Variants in CORO2A observed in about 807,000 individuals in gnomAD.
The protein encoded by CORO2A is coronin 2A, also known as coronin-2A.
Under a neutral mutation model 62.4 loss-of-function variants are expected in CORO2A, and 47 were observed. The ratio of observed to expected loss-of-function variants is 0.75; its 90% CI spans 0.60 to 0.96. The LOEUF (loss-of-function observed/expected upper bound fraction) is 0.96. CORO2A is among the 40% of genes least tolerant of loss of function. The pLI, the probability that CORO2A is intolerant of heterozygous loss-of-function variation, is 0.00. For missense variants in CORO2A, 610 were observed against 684.1 expected (o/e 0.89, Z 1.21); for synonymous variants, 273 against 268.9 (o/e 1.02, Z -0.15).
chr9:98,174,691 G>T (rs1828085045), intron 1 of CORO2A, among the ~76,000 whole-genome samples: 1 of 152,060 alleles, frequency 6.6e-6, no homozygotes, highest in Admixed American at 6.5e-5. Flanking sequence ...TTTCCCCTGC[G>T]AGTTATCTCC....
chr9:98,163,353 C>T (rs1457866500), intron 1 of CORO2A, among the ~76,000 whole-genome samples: 1 of 152,182 alleles, frequency 6.6e-6, no homozygotes, highest in Non-Finnish European at 1.5e-5. Context: ...CTGTGCCCCA[C>T]TAATTTTTGT....
intron 1 of CORO2A, among the ~76,000 whole-genome samples, chr9:98,167,773 C>T (rs539859683): frequency 6.5e-4 from 99 of 152,126 alleles, no homozygotes; most frequent in Non-Finnish European, 1.2e-3. Flanking sequence ...CTTTTAGAGA[C>T]GGATGCCTAA....
chr9:98,146,057 C>T (rs1827640328), intron 2 of CORO2A, among the ~76,000 whole-genome samples: 1 of 152,206 alleles, frequency 6.6e-6, no homozygotes, highest in Admixed American at 6.5e-5. Flanking sequence ...TCTCCACTCT[C>T]CCAGGCACCT....
At chr9:98,181,119 A>T (rs1828170430) in intron 1 of CORO2A, among the ~76,000 whole-genome samples, 1 of 151,610 alleles carries the variant, frequency 6.6e-6, no homozygotes, top group Non-Finnish European at 1.5e-5. Context: ...GACAATAACC[A>T]GCCCTGGGAA....
At position 98,163,431 on chromosome 9, in the gene CORO2A, C is replaced by G. The variant is rs561312560; in HGVS notation, c.1-5771G>C. ...TCACAAACTCCTGACCTCAGGTGAT[C>G]CGCCTACCTTGGCCTCCCTAAGTGC... On this transcript the variant is annotated intron_variant, in intron 1 of 11. Coordinates refer to ENST00000375077, the MANE Select transcript of CORO2A (RefSeq NM_052820.4). Among the ~76,000 whole-genome samples, 5 of 152,330 alleles carry G rather than the reference C, an allele frequency of 3.3e-5. No homozygotes were observed. In the South Asian group the frequency reaches 8.3e-4, roughly 25 times the overall value.
chr9:98,188,033 T>C (rs1347661465), intron 1 of CORO2A, among the ~76,000 whole-genome samples: 1 of 152,178 alleles, frequency 6.6e-6, no homozygotes, highest in East Asian at 1.9e-4. Context: ...GGGTACACAG[T>C]CTAGCCCAGG....
rs1226481404 is a variant in CORO2A, at chr9:98,128,238, A to G, written c.1103T>C (p.Ile368Thr). ...CTGGGCCCCTGCTGTTGGAGGGTATATGTCCTCTTGGTAGGATTCTGACTG... is the reference window on the plus strand; with the variant it reads ...CTGGGCCCCTGCTGTTGGAGGGTATGTGTCCTCTTGGTAGGATTCTGACTG... ...PRRSESYQED[I>T]YPPTAGAQPS... is the part of the protein sequence containing the mutation. The change falls in exon 10 of 12, where the codon ATA (isoleucine) becomes ACA (threonine). Residue 368 changes from isoleucine to threonine, a missense_variant. By Grantham distance (89) the Ile-to-Thr change is moderately conservative. Transcript: ENST00000375077. 1.2e-6 allele frequency: 2 copies of G among 1,612,810 alleles called. No homozygotes were observed. The highest frequency in any genetic ancestry group is 1.3e-5 in the African/African-American group (1 of 74,858).
At chr9:98,166,827 A>G (rs752949174) in intron 1 of CORO2A, among the ~76,000 whole-genome samples, 2 of 152,206 alleles carry the variant, frequency 1.3e-5, no homozygotes, top group Non-Finnish European at 2.9e-5. Context: ...ACCATGGAAT[A>G]ATATTCAACC....
At chr9:98,189,887 A>ATT (rs950543958) in intron 1 of CORO2A, among the ~76,000 whole-genome samples, 13 of 89,778 alleles carry the variant, frequency 1.4e-4, no homozygotes, top group African/African-American at 5.7e-4. Flanking sequence ...CAACTCCTTT[A>ATT]TTTTTTTTTT....
At chr9:98,151,962 G>A (rs535139309) in intron 2 of CORO2A, among the ~76,000 whole-genome samples, 8 of 150,142 alleles carry the variant, frequency 5.3e-5, no homozygotes, top group East Asian at 3.9e-4. Context: ...GACCACAGGC[G>A]CACGCCACCA....
Position 98,122,350 on chromosome 9 carries a change from C to T in CORO2A, c.*2424G>A, listed in dbSNP as rs554333836. On this transcript the variant is annotated 3_prime_UTR_variant, in exon 12 of 12. Transcript: ENST00000375077. ...AATGTGGCATGGGCATCTGTATTTC[C>T]TGCACGCTCCCAAGGGAATTCTAAT... 8.5e-5 allele frequency: 13 copies of T among 152,352 alleles called. No individual in the cohort carries two copies. The South Asian group carries it at 2.1e-3, about 24-fold the overall frequency. The allele number at this position is 152,352 out of a possible 1,614,324, so 9.4% of individuals were successfully genotyped here. A position where few individuals can be genotyped will look rare whatever the true frequency, so the allele number is the denominator to read the frequency against.
At chr9:98,148,751 C>CAAACA (rs60243944) in intron 2 of CORO2A, among the ~76,000 whole-genome samples, 2,775 of 150,332 alleles carry the variant, frequency 0.018, 78 homozygotes, top group African/African-American at 0.047. Flanking sequence ...GAGCTTGTCT[C>CAAACA]AAACAAAACA....
chr9:98,156,937 A>G (rs1341106386), intron 2 of CORO2A, among the ~76,000 whole-genome samples: 2 of 152,182 alleles, frequency 1.3e-5, no homozygotes, highest in African/African-American at 4.8e-5. Flanking sequence ...TGGAACTACT[A>G]TTAGGTTGAT....
chr9:98,125,345 C>T (rs534588080), intron 11 of CORO2A, among the ~76,000 whole-genome samples: 4 of 152,294 alleles, frequency 2.6e-5, no homozygotes, highest in South Asian at 2.1e-4. Flanking sequence ...CCCACTGGAA[C>T]GTTGTGACAC....
intron 1 of CORO2A, among the ~76,000 whole-genome samples, chr9:98,180,270 G>A (rs1385995021): frequency 1.3e-5 from 2 of 152,016 alleles, no homozygotes; most frequent in East Asian, 1.9e-4. Context: ...CAGTCCTTGG[G>A]TTACATCATT....
chr9:98,151,978 G>A (rs557685198), intron 2 of CORO2A, among the ~76,000 whole-genome samples: 34 of 151,902 alleles, frequency 2.2e-4, no homozygotes, highest in Non-Finnish European at 4.0e-4. Context: ...CACCATGCCC[G>A]GCTAATTTTT....
intron 1 of CORO2A, among the ~76,000 whole-genome samples, chr9:98,190,255 C>T (rs1461456155): frequency 6.6e-6 from 1 of 152,294 alleles, no homozygotes; most frequent in East Asian, 1.9e-4. Context: ...AGGATAAAGT[C>T]CCCAAAGTAG....
At chr9:98,141,506 C>T (rs1459784321) in intron 2 of CORO2A, among the ~76,000 whole-genome samples, 1 of 152,182 alleles carries the variant, frequency 6.6e-6, no homozygotes, top group Non-Finnish European at 1.5e-5. Context: ...GTGCGTGCCA[C>T]CACACCCAGC....
chr9:98,137,900 T>C (rs1201422444), intron 2 of CORO2A, among the ~76,000 whole-genome samples: 1 of 152,086 alleles, frequency 6.6e-6, no homozygotes, highest in African/African-American at 2.4e-5. Context: ...AAGGGAGCAA[T>C]CACAGGTATT....
Sources: allele counts gnomAD v4.1 joint callset (sites outside exome capture counted in the v4.1 genomes callset), GRCh38; gene constraint gnomAD v4.1.1; transcripts MANE v1.5; gene names NCBI Gene and HGNC (gene_info 2026-07-23, HGNC 2026-07-21).